The following CUL3 variants were observed in gnomAD, a reference collection of about 807,000 sequenced individuals.
The protein encoded by CUL3 is cullin-3.
CUL3 carries 19 observed loss-of-function variants against 89.1 expected under a neutral mutation model. The observed-to-expected ratio is 0.21, with a 90% CI of 0.15 to 0.31. The LOEUF (loss-of-function observed/expected upper bound fraction) is 0.31. Among genes scored for constraint, CUL3 ranks in the 10% least tolerant of loss-of-function variants. The pLI is 1.00. For synonymous variants in CUL3, 351 were observed against 308.4 expected, an observed-to-expected ratio of 1.14 and a Z score of -1.45; for missense variants, 469 against 942.3, an observed-to-expected ratio of 0.50 and a Z score of 6.58.
chr2:224,524,319 A>C (rs550611471), intron 3 of CUL3, among the ~76,000 whole-genome samples: 2 of 152,274 alleles, frequency 1.3e-5, no homozygotes, highest in African/African-American at 4.8e-5. Flanking sequence ...TAAGATGTCA[A>C]GGTTCTGAAG....
chr2:224,542,045 A>G (rs1423625601), intron 2 of CUL3, among the ~76,000 whole-genome samples: 3 of 152,208 alleles, frequency 2.0e-5, no homozygotes, highest in Non-Finnish European at 2.9e-5. Context: ...ATTATACACT[A>G]ATTTTTAAAA....
chr2:224,499,020 G>A (rs753105126), intron 11 of CUL3, among the ~76,000 whole-genome samples: 1 of 152,060 alleles, frequency 6.6e-6, no homozygotes, highest in Non-Finnish European at 1.5e-5. Flanking sequence ...TCAATATGCT[G>A]AATACTCAAC....
chr2:224,551,607 G>C (rs528553379), intron 2 of CUL3, among the ~76,000 whole-genome samples: 8 of 151,446 alleles, frequency 5.3e-5, no homozygotes, highest in African/African-American at 1.5e-4. Flanking sequence ...GTCTCCCAAA[G>C]TGCTAGGATT....
intron 15 of CUL3, among the ~76,000 whole-genome samples, chr2:224,477,938 TAGC>T (rs1458840666): frequency 6.6e-6 from 1 of 152,242 alleles, no homozygotes; most frequent in Admixed American, 6.5e-5. Flanking sequence ...AAGGTATTAA[TAGC>T]AGTGAAAATC....
At chr2:224,556,655 G>T (rs1212584380) in intron 2 of CUL3, among the ~76,000 whole-genome samples, 2 of 152,104 alleles carry the variant, frequency 1.3e-5, no homozygotes, top group African/African-American at 2.4e-5. Context: ...TCTGAATAAG[G>T]AATGTATTAG....
intron 15 of CUL3, among the ~76,000 whole-genome samples, chr2:224,476,997 A>T (rs567500880): frequency 6.6e-6 from 1 of 152,190 alleles, no homozygotes; most frequent in Non-Finnish European, 1.5e-5. Context: ...CACGAGTCCA[A>T]TGAAAATGTC....
chr2:224,517,439 G>A (rs140564756), intron 3 of CUL3, among the ~76,000 whole-genome samples: 2,793 of 152,278 alleles, frequency 0.018, 105 homozygotes, highest in African/African-American at 0.064. Flanking sequence ...TTGGGAGGCC[G>A]AAGCAGTCGG....
intron 6 of CUL3, 98 bp downstream of exon 6, chr2:224,511,256 T>C: frequency 1.2e-6 from 1 of 840,034 alleles, no homozygotes; most frequent in East Asian, 2.6e-5. Flanking sequence ...CCAAAACTTC[T>C]TGAAAGCTGA....
chr2:224,491,451 A>T (rs1171616215), intron 13 of CUL3, among the ~76,000 whole-genome samples: 1 of 152,194 alleles, frequency 6.6e-6, no homozygotes, highest in Non-Finnish European at 1.5e-5. Context: ...AACTCTTCTA[A>T]AGAAATGTTT....
In CUL3 at chr2:224,485,863, C is replaced by T. The variant is rs1050122460; in HGVS notation, c.1843-3785G>A. Among the ~76,000 whole-genome samples the T allele has an allele frequency of 2.0e-5, 3 of 152,168 alleles. No individual in the cohort carries two copies. Among genetic ancestry groups the T allele is most frequent in the Admixed American group, 6.5e-5 (1 of 15,288 alleles). On this transcript the variant is annotated intron_variant, in intron 13 of 15. Transcript: ENST00000264414. The surrounding 1 kb of genome is among the most constrained non-coding windows in gnomAD (Gnocchi z 4.1). ...ACAGACACCTCATACAGGAGAGCTCCGGCTGGCATCTGGCAGGTGCCCCTC... is the reference window on the plus strand; with the variant it reads ...ACAGACACCTCATACAGGAGAGCTCTGGCTGGCATCTGGCAGGTGCCCCTC...
At chr2:224,578,149 C>T (rs1695352100) in intron 1 of CUL3, among the ~76,000 whole-genome samples, 1 of 152,130 alleles carries the variant, frequency 6.6e-6, no homozygotes, top group Non-Finnish European at 1.5e-5. Context: ...CCCAATAATT[C>T]CATAATCATA....
intron 1 of CUL3, among the ~76,000 whole-genome samples, chr2:224,559,379 G>A (rs1359225131): frequency 4.0e-5 from 6 of 151,130 alleles, no homozygotes; most frequent in Middle Eastern, 3.4e-3. Flanking sequence ...ACTTGAGCCC[G>A]GAGGCAGAGT....
chr2:224,476,396 C>G (rs916984062), intron 15 of CUL3, among the ~76,000 whole-genome samples: 3 of 152,094 alleles, frequency 2.0e-5, no homozygotes, highest in Non-Finnish European at 4.4e-5. Flanking sequence ...CTGGTGTAGA[C>G]TAACACAAAT....
In CUL3 at chr2:224,538,207, C is replaced by A. The variant is rs575836516; in HGVS notation, c.265-2566G>T. On this transcript the variant is annotated intron_variant, in intron 2 of 15. Coordinates refer to ENST00000264414, the MANE Select transcript of CUL3 (RefSeq NM_003590.5). ...AAGTAAAATGAATGCCTTAGATACACTGCTGCAATGTCTTCTTATTCAGAT... is the reference window on the plus strand; with the variant it reads ...AAGTAAAATGAATGCCTTAGATACAATGCTGCAATGTCTTCTTATTCAGAT... 2.8e-4 allele frequency among the ~76,000 whole-genome samples: 43 copies of A among 152,296 alleles called. 1 individual carries two copies. The highest frequency in any genetic ancestry group is 3.9e-4 in the Admixed American group (6 of 15,298).
intron 1 of CUL3, among the ~76,000 whole-genome samples, chr2:224,564,123 T>C (rs1694981760): frequency 6.6e-6 from 1 of 152,070 alleles, no homozygotes. Context: ...CCATCTCTAC[T>C]AAAAATATAA....
chr2:224,484,000 G>A (rs1691625475), intron 13 of CUL3, among the ~76,000 whole-genome samples: 1 of 152,058 alleles, frequency 6.6e-6, no homozygotes, highest in African/African-American at 2.4e-5. Flanking sequence ...AATCAGCCTG[G>A]TCAACATAGC....
intron 1 of CUL3, among the ~76,000 whole-genome samples, chr2:224,581,084 T>G (rs1263755147): frequency 6.6e-6 from 1 of 152,182 alleles, no homozygotes; most frequent in Admixed American, 6.5e-5. Context: ...TTACTTGTTC[T>G]CATCACACAG....
At chr2:224,544,986 G>C (rs770709737) in intron 2 of CUL3, among the ~76,000 whole-genome samples, 16 of 152,062 alleles carry the variant, frequency 1.1e-4, no homozygotes, top group Non-Finnish European at 1.8e-4. Flanking sequence ...TAGAATTTCT[G>C]AATGACTGGA....
chr2:224,517,600 T>C (rs775142229), intron 3 of CUL3, among the ~76,000 whole-genome samples: 3 of 152,040 alleles, frequency 2.0e-5, no homozygotes, highest in Non-Finnish European at 2.9e-5. Flanking sequence ...TTCAACCCAG[T>C]AGACAGAGGC....
Sources: gnomAD v4.1 joint callset for allele counts (sites outside exome capture counted in the v4.1 genomes callset) on GRCh38, gnomAD v4.1.1 for gene constraint, Gnocchi (gnomAD v3.1) non-coding constraint, MANE v1.5 for transcripts, NCBI Gene and HGNC (gene_info 2026-07-23, HGNC 2026-07-21) for gene names.